The following L3MBTL4 variants were observed in gnomAD, a reference collection of about 807,000 sequenced individuals.
L3MBTL4 encodes lethal(3)malignant brain tumor-like protein 4.
In L3MBTL4, 70 loss-of-function variants were observed where a neutral mutation model predicts 84.5. The observed-to-expected ratio is 0.83, with a 90% CI of 0.68 to 1.01. The LOEUF is 1.01. L3MBTL4 is among the 50% of genes least tolerant of loss of function. The pLI, the probability that L3MBTL4 is intolerant of heterozygous loss-of-function variation, is 0.00. For missense variants in L3MBTL4, 715 were observed against 754.8 expected, an observed-to-expected ratio of 0.95 and a Z score of 0.62; for synonymous variants, 274 against 259.8, an observed-to-expected ratio of 1.05 and a Z score of -0.52.
At chr18:6,124,241 T>G (rs1009687639) in intron 14 of L3MBTL4, among the ~76,000 whole-genome samples, 2 of 152,046 alleles carry the variant, frequency 1.3e-5, no homozygotes, top group African/African-American at 4.8e-5. Flanking sequence ...CAATGTCATT[T>G]AATAGAAATT....
At chr18:6,300,804 C>T (rs1182138041) in intron 4 of L3MBTL4, among the ~76,000 whole-genome samples, 1 of 152,038 alleles carries the variant, frequency 6.6e-6, no homozygotes, top group Admixed American at 6.6e-5. Context: ...TTTTAAAAAC[C>T]CCCTGCTGTT....
chr18:6,181,404 C>A (rs1180574290), intron 12 of L3MBTL4, among the ~76,000 whole-genome samples: 1 of 152,030 alleles, frequency 6.6e-6, no homozygotes, highest in Non-Finnish European at 1.5e-5. Context: ...CAGCTCACTG[C>A]AACCTCTGTT....
intron 5 of L3MBTL4, among the ~76,000 whole-genome samples, chr18:6,255,721 C>T (rs2048109118): frequency 6.7e-6 from 1 of 148,934 alleles, no homozygotes; most frequent in African/African-American, 2.5e-5. Flanking sequence ...CCTGGGAGTA[C>T]TGTTAAATAC....
intron 16 of L3MBTL4, among the ~76,000 whole-genome samples, chr18:6,033,998 A>T (rs2055974104): frequency 6.6e-6 from 1 of 152,126 alleles, no homozygotes; most frequent in African/African-American, 2.4e-5. Flanking sequence ...TGAGATCTTT[A>T]TTTCTTCACA....
intron 1 of L3MBTL4, among the ~76,000 whole-genome samples, chr18:6,347,289 G>T (rs2052956661): frequency 6.6e-6 from 1 of 151,800 alleles, no homozygotes. Context: ...TAACAATACT[G>T]TATTGTATGG....
chr18:6,158,595 C>T (rs1412620345), intron 13 of L3MBTL4, among the ~76,000 whole-genome samples: 5 of 152,200 alleles, frequency 3.3e-5, no homozygotes, highest in Non-Finnish European at 1.5e-5. Flanking sequence ...TTTTCATTTA[C>T]CCTTCCTTCA....
chr18:5,995,883 C>T (rs1244071085), intron 16 of L3MBTL4, among the ~76,000 whole-genome samples: 4 of 152,132 alleles, frequency 2.6e-5, no homozygotes, highest in East Asian at 3.9e-4. Flanking sequence ...TACTTAGCAA[C>T]GCTGTCTTTG....
rs1410681553 is a variant in L3MBTL4, at chr18:5,996,282, AGACGATCTTGAT to A, written c.1445-26732_1445-26721del. ...CCGAAATAGATGATTCTGATGATTC[AGACGATCTTGAT>A]GTTAGTTCTGTTTAGCAATAACTCC... On this transcript the variant is annotated intron_variant, in intron 16 of 18. Coordinates refer to ENST00000317931, the MANE Select transcript of L3MBTL4 (RefSeq NM_001330559.2). Among the ~76,000 whole-genome samples the A allele has an allele frequency of 3.7e-4, 56 of 152,350 alleles. 1 individual carries two copies. Among genetic ancestry groups the A allele is most frequent in the African/African-American group, 1.3e-3 (56 of 41,584 alleles).
chr18:6,081,991 G>GCA (rs1346553230), intron 15 of L3MBTL4, among the ~76,000 whole-genome samples: 1 of 152,158 alleles, frequency 6.6e-6, no homozygotes, highest in Non-Finnish European at 1.5e-5. Context: ...CTAACCACAT[G>GCA]TACTTAATCA....
chr18:6,266,749 C>T (rs1307760939), intron 4 of L3MBTL4, among the ~76,000 whole-genome samples: 1 of 152,008 alleles, frequency 6.6e-6, no homozygotes, highest in Non-Finnish European at 1.5e-5. Context: ...CATGGTGAAA[C>T]CCCATCTCTC....
At chr18:5,961,745 A>G (rs2095264335) in intron 17 of L3MBTL4, among the ~76,000 whole-genome samples, 2 of 117,726 alleles carry the variant, frequency 1.7e-5, no homozygotes, top group South Asian at 2.7e-4. Flanking sequence ...CAGTTCAGGC[A>G]GAGGAAGCCG....
At chr18:6,123,316 T>C (rs768904337) in intron 14 of L3MBTL4, among the ~76,000 whole-genome samples, 21 of 152,270 alleles carry the variant, frequency 1.4e-4, no homozygotes, top group Middle Eastern at 3.4e-3. Flanking sequence ...AATATTGAGA[T>C]GGTTTGGCTG....
At chr18:6,011,278 T>C (rs983152667) in intron 16 of L3MBTL4, among the ~76,000 whole-genome samples, 2 of 152,124 alleles carry the variant, frequency 1.3e-5, no homozygotes, top group African/African-American at 2.4e-5. Context: ...TCTCATTTAG[T>C]CTGTCAGCCA....
At chr18:6,150,903 C>T (rs2042864973) in intron 13 of L3MBTL4, among the ~76,000 whole-genome samples, 1 of 152,196 alleles carries the variant, frequency 6.6e-6, no homozygotes, top group Admixed American at 6.6e-5. Context: ...TCCCATGATA[C>T]AGTCTAACCA....
At chr18:6,334,069 G>A (rs189153635) in intron 1 of L3MBTL4, among the ~76,000 whole-genome samples, 1 of 152,340 alleles carries the variant, frequency 6.6e-6, no homozygotes, top group African/African-American at 2.4e-5. Context: ...CGGTCTTGCA[G>A]TGCTGCTAAC....
intron 1 of L3MBTL4, among the ~76,000 whole-genome samples, chr18:6,325,474 C>A (rs749738753): frequency 2.0e-5 from 3 of 152,110 alleles, no homozygotes; most frequent in Non-Finnish European, 4.4e-5. Context: ...TGCATGCCAC[C>A]ATGCCCAGCT....
intron 10 of L3MBTL4, among the ~76,000 whole-genome samples, chr18:6,221,938 C>T (rs2046573248): frequency 6.6e-6 from 1 of 152,134 alleles, no homozygotes; most frequent in Non-Finnish European, 1.5e-5. Flanking sequence ...TTCATGGAAA[C>T]AATCATAGGA....
chr18:6,089,795 G>A (rs987364001), intron 15 of L3MBTL4, among the ~76,000 whole-genome samples: 14 of 152,158 alleles, frequency 9.2e-5, no homozygotes, highest in African/African-American at 3.4e-4. Context: ...ATAGTAGATA[G>A]TTATTATCAT....
chr18:6,008,464 G>A (rs1012481460), intron 16 of L3MBTL4, among the ~76,000 whole-genome samples: 1 of 152,212 alleles, frequency 6.6e-6, no homozygotes, highest in Non-Finnish European at 1.5e-5. Flanking sequence ...AACACCACCT[G>A]AGGAAGCCCT....
Sources: allele counts gnomAD v4.1 joint callset (sites outside exome capture counted in the v4.1 genomes callset), GRCh38; gene constraint gnomAD v4.1.1; transcripts MANE v1.5; gene names NCBI Gene and HGNC (gene_info 2026-07-23, HGNC 2026-07-21).